The following DLC1 variants were observed in gnomAD, a reference collection of about 807,000 sequenced individuals.
The protein encoded by DLC1 is DLC1 Rho GTPase activating protein, also known as rho GTPase-activating protein 7.
A neutral mutation model predicts 140.3 loss-of-function variants in DLC1; 54 were observed. The observed-to-expected ratio is 0.38, with a 90% CI of 0.31 to 0.48. The LOEUF is 0.48. Among genes scored for constraint, DLC1 ranks in the 20% least tolerant of loss-of-function variants. The pLI is 0.96. For missense variants in DLC1, 2,536 were observed against 1,907.0 expected, an observed-to-expected ratio of 1.33 and a Z score of -6.14; for synonymous variants, 986 against 728.1, an observed-to-expected ratio of 1.35 and a Z score of -5.70.
intron 2 of DLC1, among the ~76,000 whole-genome samples, chr8:13,417,035 C>G (rs888404719): frequency 2.0e-5 from 3 of 151,952 alleles, no homozygotes; most frequent in Admixed American, 6.6e-5. Flanking sequence ...TGAGAGCAGT[C>G]GGGCTAGTTA....
At chr8:13,496,417 A>G (rs1801504632) in intron 2 of DLC1, among the ~76,000 whole-genome samples, 1 of 152,140 alleles carries the variant, frequency 6.6e-6, no homozygotes. Flanking sequence ...GATCTTTTAT[A>G]AAGATTATAT....
chr8:13,302,038 C>A (rs576190132), intron 5 of DLC1, among the ~76,000 whole-genome samples: 1 of 152,192 alleles, frequency 6.6e-6, no homozygotes, highest in East Asian at 1.9e-4. Flanking sequence ...TACAATTATA[C>A]ATATCGATAC....
At chr8:13,412,129 C>T (rs11992142) in intron 2 of DLC1, among the ~76,000 whole-genome samples, 7,124 of 151,986 alleles carry the variant, frequency 0.047, 538 homozygotes, top group African/African-American at 0.16. Context: ...AAAAAGACAA[C>T]CTAATAAAAT....
rs55681527 is a variant in DLC1 at position 13,582,878 on chromosome 8, CTATATATATATATA to C, written c.-126+21645_-126+21658del. Among the ~76,000 whole-genome samples the C allele has an allele frequency of 2.4e-3, 243 of 103,088 alleles. 3 individuals carry two copies. The highest frequency in any genetic ancestry group is 0.01 in the East Asian group (30 of 2,964). 67.6% of individuals were successfully genotyped at this position (103,088 alleles called of 152,430 possible). ...AGTTATGTTTACAATATACTGTGGT[CTATATATATATATA>C]TATATATATATATATATATATATAT... On this transcript the variant is annotated intron_variant, in intron 1 of 1. Coordinates refer to the DLC1 transcript ENST00000631382.
At chr8:13,431,511 A>AAAAAAG (rs1838868253) in intron 2 of DLC1, among the ~76,000 whole-genome samples, 9 of 132,136 alleles carry the variant, frequency 6.8e-5, no homozygotes, top group Admixed American at 3.3e-4. Context: ...AAAAAAAAAA[A>AAAAAAG]AAAAGAAAAG....
At chr8:13,118,719 G>C (rs1820783730) in intron 5 of DLC1, among the ~76,000 whole-genome samples, 1 of 152,076 alleles carries the variant, frequency 6.6e-6, no homozygotes, top group Non-Finnish European at 1.5e-5. Context: ...TTTTTTTAAT[G>C]TGAAATGAAC....
chr8:13,140,497 T>C (rs1262102965), intron 5 of DLC1, among the ~76,000 whole-genome samples: 1 of 151,648 alleles, frequency 6.6e-6, no homozygotes, highest in Non-Finnish European at 1.5e-5. Flanking sequence ...CCTTCCAAAG[T>C]GCTGGGATTA....
intron 17 of DLC1, 65 bp downstream of exon 17, chr8:13,086,225 T>C: frequency 6.4e-7 from 1 of 1,559,488 alleles, no homozygotes. Context: ...TTCTTTGCAT[T>C]AGACAAAAAG....
At chr8:13,123,043 G>C (rs1192715139) in intron 5 of DLC1, among the ~76,000 whole-genome samples, 1 of 152,182 alleles carries the variant, frequency 6.6e-6, no homozygotes, top group South Asian at 2.1e-4. Flanking sequence ...ACTTGAAGCA[G>C]GAAGCCAAGT....
intron 4 of DLC1, among the ~76,000 whole-genome samples, chr8:13,311,713 T>C (rs1000431640): frequency 7.2e-5 from 11 of 152,224 alleles, no homozygotes; most frequent in Non-Finnish European, 1.0e-4. Context: ...TCAGCTTAAA[T>C]TGTTTGAACA....
intron 4 of DLC1, among the ~76,000 whole-genome samples, chr8:13,376,442 C>T (rs1399050057): frequency 4.6e-5 from 7 of 152,132 alleles, no homozygotes; most frequent in Admixed American, 4.6e-4. Context: ...TCCCGGAATC[C>T]CACCCATCTA....
chr8:13,520,355 C>T (rs1333574380), intron 1 of DLC1, among the ~76,000 whole-genome samples: 2 of 152,110 alleles, frequency 1.3e-5, no homozygotes, highest in Non-Finnish European at 2.9e-5. Context: ...CCATCATTCT[C>T]AGCAAAGTAT....
At chr8:13,171,517 A>G (rs1019462292) in intron 5 of DLC1, among the ~76,000 whole-genome samples, 1 of 152,060 alleles carries the variant, frequency 6.6e-6, no homozygotes, top group Non-Finnish European at 1.5e-5. Flanking sequence ...CAGCCTCATG[A>G]GTAGCTGGGA....
intron 4 of DLC1, among the ~76,000 whole-genome samples, chr8:13,370,697 C>G (rs1835688233): frequency 2.0e-5 from 3 of 152,210 alleles, no homozygotes; most frequent in Admixed American, 2.0e-4. Flanking sequence ...TGTTCTGTCA[C>G]TAAGCTCTGC....
intron 5 of DLC1, among the ~76,000 whole-genome samples, chr8:13,151,365 T>C (rs2128977545): frequency 6.6e-6 from 1 of 152,260 alleles, no homozygotes; most frequent in South Asian, 2.1e-4. Flanking sequence ...CTTATGATTA[T>C]TAATATCACC....
chr8:13,457,862 A>G (rs1325359616), intron 2 of DLC1, among the ~76,000 whole-genome samples: 2 of 152,104 alleles, frequency 1.3e-5, no homozygotes, highest in South Asian at 4.2e-4. Flanking sequence ...TTAAACCTTT[A>G]CTTTTTGCCT....
At position 13,110,068 on chromosome 8, in the gene DLC1, C is replaced by T. The variant is rs557145419; in HGVS notation, c.1502+674G>A. On this transcript the variant is annotated intron_variant, in intron 7 of 17. Transcript: ENST00000276297. ...GAGAAAAATTAGAAAGGATGAAAAA[C>T]TTAAAATGAGTAGACATGTCTTGAA... 2.0e-5 allele frequency among the ~76,000 whole-genome samples: 3 copies of T among 152,192 alleles called. No individual in the cohort carries two copies. In the South Asian group the frequency reaches 6.2e-4, roughly 31 times the overall value.
rs1263122182 is a variant in DLC1, at chr8:13,449,010, T to G, written c.1024-47391A>C. 3.9e-5 allele frequency among the ~76,000 whole-genome samples: 6 copies of G among 152,148 alleles called. No homozygotes were observed. In the East Asian group the frequency reaches 5.8e-4, roughly 15 times the overall value. On this transcript the variant is annotated intron_variant, in intron 2 of 17. Coordinates refer to ENST00000276297, the MANE Select transcript of DLC1 (RefSeq NM_182643.3). ...GAACAGGAGAAACTCTGTCAGCTGA[T>G]GCCTGTTTTCAGGCATTTCATGGAT...
chr8:13,371,766 T>C (rs918976961), intron 4 of DLC1, among the ~76,000 whole-genome samples: 6 of 152,194 alleles, frequency 3.9e-5, no homozygotes, highest in Non-Finnish European at 8.8e-5. Flanking sequence ...GGCTGTGCAT[T>C]AGTGTGTTTC....
Sources: allele counts gnomAD v4.1 joint callset (sites outside exome capture counted in the v4.1 genomes callset), GRCh38; gene constraint gnomAD v4.1.1; transcripts MANE v1.5; gene names NCBI Gene and HGNC (gene_info 2026-07-23, HGNC 2026-07-21).